Variants in PSME4 observed in about 807,000 individuals in gnomAD.
The protein encoded by PSME4 is proteasome activator subunit 4, also known as proteasome activator complex subunit 4.
PSME4 carries 89 observed loss-of-function variants against 253.9 expected under a neutral mutation model. The ratio of observed to expected loss-of-function variants is 0.35; its 90% CI spans 0.30 to 0.42. The LOEUF (loss-of-function observed/expected upper bound fraction) is 0.42. Among genes scored for constraint, PSME4 ranks in the 10% least tolerant of loss-of-function variants. The pLI is 1.00. For synonymous variants in PSME4, 851 were observed against 759.2 expected, an observed-to-expected ratio of 1.12 and a Z score of -1.99; for missense variants, 2,014 against 2,195.2, an observed-to-expected ratio of 0.92 and a Z score of 1.65.
chr2:53,910,414 T>C (rs1167226697), intron 20 of PSME4, among the ~76,000 whole-genome samples: 2 of 152,168 alleles, frequency 1.3e-5, no homozygotes, highest in African/African-American at 4.8e-5. Context: ...AAAGATTAAA[T>C]ATGATAAACC....
At chr2:53,875,551 C>A (rs910758614) in intron 42 of PSME4, 76 bp downstream of exon 42, 15 of 1,418,436 alleles carry the variant, frequency 1.1e-5, no homozygotes, top group Non-Finnish European at 1.4e-5. Flanking sequence ...GCTGTGTGCA[C>A]TGCAGCTGAC....
chr2:53,901,622 C>A, intron 27 of PSME4, 63 bp from the exon 28 acceptor site: 1 of 1,355,590 alleles, frequency 7.4e-7, no homozygotes, highest in Non-Finnish European at 1.0e-6. Context: ...TAGTTGTAGC[C>A]AATGCACCTA....
chr2:53,944,560 T>G (rs1669615305), intron 3 of PSME4, among the ~76,000 whole-genome samples: 1 of 152,232 alleles, frequency 6.6e-6, no homozygotes, highest in Non-Finnish European at 1.5e-5. Flanking sequence ...AAATATCATA[T>G]TAATAATCGT....
At chr2:53,930,613 G>A (rs1031831266) in intron 10 of PSME4, among the ~76,000 whole-genome samples, 4 of 152,178 alleles carry the variant, frequency 2.6e-5, no homozygotes, top group African/African-American at 9.7e-5. Flanking sequence ...GGCCTAACTT[G>A]AATATTTATG....
At chr2:53,929,836 G>C (rs1386047146) in intron 10 of PSME4, among the ~76,000 whole-genome samples, 1 of 151,850 alleles carries the variant, frequency 6.6e-6, no homozygotes, top group Non-Finnish European at 1.5e-5. Flanking sequence ...TGACCAACAT[G>C]GTGAAACGCC....
In PSME4 at chr2:53,925,941, T is replaced by C. The variant is rs1668537786; in HGVS notation, c.1658+18A>G. The C allele has an allele frequency of 6.2e-7, 1 of 1,601,654 alleles. No individual in the cohort carries two copies. Among genetic ancestry groups the C allele is most frequent in the Non-Finnish European group, 8.6e-7 (1 of 1,169,332 alleles). On this transcript the variant is annotated intron_variant, in intron 13 of 46. Coordinates refer to ENST00000404125, the MANE Select transcript of PSME4 (RefSeq NM_014614.3). Reference sequence around the variant, plus strand: ...TTCTAGAATTTCAGCTAAACGTTGGTGTGGGTTACAAGCTCACCTGTCCAT... The same window carrying C: ...TTCTAGAATTTCAGCTAAACGTTGGCGTGGGTTACAAGCTCACCTGTCCAT...
chr2:53,925,272 C>T (rs1329432504), intron 14 of PSME4, among the ~76,000 whole-genome samples: 2 of 152,184 alleles, frequency 1.3e-5, no homozygotes, highest in Non-Finnish European at 2.9e-5. Flanking sequence ...CAGCTGAGAA[C>T]ACATGGCATA....
At chr2:53,948,694 G>C (rs371628593) in intron 2 of PSME4, among the ~76,000 whole-genome samples, 157 bp from the exon 3 acceptor site, 3 of 152,270 alleles carry the variant, frequency 2.0e-5, no homozygotes, top group East Asian at 3.9e-4. Context: ...ATAGTATTAA[G>C]AAGAATAATG....
chr2:53,921,785 G>A (rs1186999822), intron 17 of PSME4, among the ~76,000 whole-genome samples: 5 of 141,828 alleles, frequency 3.5e-5, no homozygotes, highest in Admixed American at 7.0e-5. Context: ...GGAGAATGGC[G>A]TGAACCCGGG....
At chr2:53,880,007 C>T (rs1438311913) in intron 41 of PSME4, among the ~76,000 whole-genome samples, 1 of 151,956 alleles carries the variant, frequency 6.6e-6, no homozygotes, top group African/African-American at 2.4e-5. Context: ...GATTCAAAAC[C>T]CTGCCTTGGT....
rs1669827952 is a variant in PSME4 at position 53,948,501 on chromosome 2, T to C, written c.420A>G (p.Leu140=). The part of the protein sequence containing the change: ...KELLSRADLE[L]PWRPLYDMVE... ...CCATGTCATAAAGTGGTCTCCAGGG[T>C]AACTCCAAATCAGCTCTTGAAAGAA... Residue 140 remains leucine (L), a synonymous_variant, in exon 3 of 47, where the codon TTA becomes TTG. Coordinates refer to ENST00000404125, the MANE Select transcript of PSME4 (RefSeq NM_014614.3). 1 of 1,613,410 alleles carries C rather than the reference T, an allele frequency of 6.2e-7. No homozygotes were observed. Among genetic ancestry groups the C allele is most frequent in the Non-Finnish European group, 8.5e-7 (1 of 1,179,440 alleles).
chr2:53,929,159 C>G (rs1334138048), intron 10 of PSME4, among the ~76,000 whole-genome samples: 1 of 108,074 alleles, frequency 9.3e-6, no homozygotes, highest in Non-Finnish European at 1.8e-5. Context: ...GAGCAAGACT[C>G]TGTCTCAAAA....
intron 10 of PSME4, among the ~76,000 whole-genome samples, chr2:53,929,545 T>C (rs534459713): frequency 4.7e-4 from 72 of 152,106 alleles, no homozygotes; most frequent in Non-Finnish European, 8.4e-4. Context: ...TCCATCTTCC[T>C]CAGACTTCCA....
intron 43 of PSME4, among the ~76,000 whole-genome samples, chr2:53,871,457 T>C (rs765296956): frequency 6.6e-6 from 1 of 151,910 alleles, no homozygotes; most frequent in Non-Finnish European, 1.5e-5. Flanking sequence ...GGTTTCACCA[T>C]GTTAGCCAGG....
rs758666599 is a variant in PSME4 at position 53,893,781 on chromosome 2, C to G, written c.3931G>C (p.Asp1311His). 3 of 1,608,062 alleles carry G rather than the reference C, an allele frequency of 1.9e-6. No individual in the cohort carries two copies. Among genetic ancestry groups the G allele is most frequent in the Admixed American group, 1.7e-5 (1 of 59,358 alleles). The stretch of plus-strand genomic sequence containing the variant: ...ACAAATTTAGGATCAGAAAAATGAT[C>G]AAATATAATCTGTTCTGCCTATAAA... Reference protein sequence around the residue: ...DMTEAEQIIFDHFSDPKFVEQ... With the variant: ...DMTEAEQIIFHHFSDPKFVEQ... The change falls in exon 35 of 47, where the codon GAT (aspartate) becomes CAT (histidine). Residue 1311 changes from aspartate (D) to histidine (H), a missense_variant. By Grantham distance (81) the Asp-to-His change is moderately conservative. Coordinates refer to ENST00000404125, the MANE Select transcript of PSME4 (RefSeq NM_014614.3).
chr2:53,917,859 G>C (rs113965622), intron 20 of PSME4, among the ~76,000 whole-genome samples: 239 of 152,156 alleles, frequency 1.6e-3, no homozygotes, highest in African/African-American at 5.5e-3. Context: ...ATGAATTCTG[G>C]TACAACTGCG....
intron 4 of PSME4, among the ~76,000 whole-genome samples, chr2:53,938,501 A>G (rs1024529268): frequency 9.3e-5 from 14 of 150,288 alleles, no homozygotes; most frequent in Non-Finnish European, 1.8e-4. Context: ...TAAAGACAAG[A>G]GTCTCACTGT....
At chr2:53,955,892 A>G (rs189493105) in intron 1 of PSME4, among the ~76,000 whole-genome samples, 110 of 152,338 alleles carry the variant, frequency 7.2e-4, no homozygotes, top group African/African-American at 2.3e-3. Context: ...ACTGCACTCC[A>G]ACCTAGGCAA....
chr2:53,898,171 A>T (rs1680228031), intron 30 of PSME4, 130 bp downstream of exon 30: 4 of 1,188,696 alleles, frequency 3.4e-6, no homozygotes, highest in Admixed American at 2.7e-5. Flanking sequence ...TTTTCCTCTT[A>T]ATCTGCTTCC....
Sources: gnomAD v4.1 joint callset for allele counts (sites outside exome capture counted in the v4.1 genomes callset) on GRCh38, gnomAD v4.1.1 for gene constraint, MANE v1.5 for transcripts, NCBI Gene and HGNC (gene_info 2026-07-23, HGNC 2026-07-21) for gene names.